RCAN2: variants seen among roughly 807,000 people sequenced by gnomAD.
RCAN2 encodes the protein calcipressin-2.
In RCAN2, 9 loss-of-function variants were observed where a neutral mutation model predicts 23.6. The observed-to-expected ratio is 0.38, with a 90% CI of 0.23 to 0.67. The LOEUF (loss-of-function observed/expected upper bound fraction) is 0.67, where lower values mean the gene tolerates loss of function less well. Ranked by LOEUF, RCAN2 falls within the 30% of genes least tolerant of loss-of-function variation. The pLI, the probability that RCAN2 is intolerant of heterozygous loss-of-function variation, is 0.51. For missense variants in RCAN2, 273 were observed against 302.3 expected, an observed-to-expected ratio of 0.90 and a Z score of 0.72; for synonymous variants, 109 against 115.7, an observed-to-expected ratio of 0.94 and a Z score of 0.37.
intron 2 of RCAN2, among the ~76,000 whole-genome samples, chr6:46,328,869 A>C (rs1034606321): frequency 1.3e-5 from 2 of 152,212 alleles, no homozygotes; most frequent in African/African-American, 2.4e-5. Context: ...CTGGCCTCCC[A>C]AAGTGCTGGG....
rs192047766 is a variant in RCAN2, at chr6:46,338,137, A to G, written c.226-89241T>C. Among the ~76,000 whole-genome samples, 6 of 152,372 alleles carry G rather than the reference A, an allele frequency of 3.9e-5. 1 individual carries two copies. The highest frequency in any genetic ancestry group is 3.3e-4 in the Admixed American group (5 of 15,306). On this transcript the variant is annotated intron_variant, in intron 2 of 4. Transcript: ENST00000371374. Reference sequence around the variant, plus strand: ...AATATCTTTGGCTAAGTAGCAAAACAGTAACATATAGGGGATGAGCAGGTG... The same window carrying G: ...AATATCTTTGGCTAAGTAGCAAAACGGTAACATATAGGGGATGAGCAGGTG...
chr6:46,419,728 A>G (rs1011378851), intron 2 of RCAN2, among the ~76,000 whole-genome samples: 1 of 152,202 alleles, frequency 6.6e-6, no homozygotes. Context: ...CTGCTGAATA[A>G]TGAAGACCAG....
At chr6:46,309,682 G>C (rs575735615) in intron 2 of RCAN2, among the ~76,000 whole-genome samples, 1 of 152,292 alleles carries the variant, frequency 6.6e-6, no homozygotes, top group East Asian at 1.9e-4. Context: ...ATTGGAGAGT[G>C]CTTGCTCTAT....
chr6:46,333,521 C>T (rs1335315892), intron 2 of RCAN2, among the ~76,000 whole-genome samples: 2 of 152,160 alleles, frequency 1.3e-5, no homozygotes, highest in Non-Finnish European at 2.9e-5. Context: ...ATCTTTGGGA[C>T]ACATTTTAGA....
intron 2 of RCAN2, among the ~76,000 whole-genome samples, chr6:46,394,469 C>T (rs1040280144): frequency 8.4e-5 from 12 of 142,260 alleles, no homozygotes; most frequent in African/African-American, 2.9e-4. Context: ...GCTGTAATTA[C>T]TGAACAAAGT....
In RCAN2 at chr6:46,477,142, G is replaced by A. The variant is rs915062168; in HGVS notation, c.-3+14031C>T. On this transcript the variant is annotated intron_variant, in intron 1 of 4. Coordinates refer to ENST00000371374, the MANE Select transcript of RCAN2 (RefSeq NM_001251974.2). ...CCTCCCTCTATGTAACTCTTTATCT[G>A]GCTGTTCATCATGTCCTTTAGAATC... Among the ~76,000 whole-genome samples the A allele has an allele frequency of 3.4e-4, 51 of 152,190 alleles. 1 individual carries two copies. The highest frequency in any genetic ancestry group is 9.6e-4 in the African/African-American group (40 of 41,526).
chr6:46,392,514 T>C (rs1425484769), intron 2 of RCAN2, among the ~76,000 whole-genome samples: 1 of 152,156 alleles, frequency 6.6e-6, no homozygotes, highest in Non-Finnish European at 1.5e-5. Flanking sequence ...GTAAGGTCAC[T>C]GCCCTCTGGA....
intron 2 of RCAN2, among the ~76,000 whole-genome samples, chr6:46,287,527 G>A (rs985662787): frequency 3.3e-5 from 5 of 152,154 alleles, no homozygotes; most frequent in African/African-American, 7.2e-5. Context: ...TTCACTAAAC[G>A]AATTTCTCTG....
Position 46,425,741 on chromosome 6 carries a change from A to G in RCAN2, c.225+31011T>C, listed in dbSNP as rs182979796. On this transcript the variant is annotated intron_variant, in intron 2 of 4. Coordinates refer to ENST00000371374, the MANE Select transcript of RCAN2 (RefSeq NM_001251974.2). ...CTTAAAAAAAACAGCATATATCAAA[A>G]TCTTAATTCTTGATCTTCAGAAGCT... 4.2e-3 allele frequency among the ~76,000 whole-genome samples: 645 copies of G among 152,186 alleles called. 2 individuals are homozygous for G. Among genetic ancestry groups the G allele is most frequent in the African/African-American group, 0.014 (582 of 41,526 alleles).
intron 4 of RCAN2, among the ~76,000 whole-genome samples, chr6:46,228,373 G>A (rs1316315334): frequency 6.6e-6 from 1 of 152,020 alleles, no homozygotes; most frequent in Non-Finnish European, 1.5e-5. Flanking sequence ...TTGACAGTGG[G>A]GTGTTAAAGT....
At chr6:46,259,471 A>T (rs571780123) in intron 2 of RCAN2, among the ~76,000 whole-genome samples, 72 of 152,254 alleles carry the variant, frequency 4.7e-4, no homozygotes, top group African/African-American at 1.5e-3. Context: ...GAACAGCTAA[A>T]ACAAGTACAG....
intron 2 of RCAN2, among the ~76,000 whole-genome samples, chr6:46,338,395 G>T (rs935135256): frequency 6.6e-6 from 1 of 152,068 alleles, no homozygotes; most frequent in Non-Finnish European, 1.5e-5. Flanking sequence ...AAAAGTTCGG[G>T]TGTGGTGTCT....
intron 2 of RCAN2, among the ~76,000 whole-genome samples, chr6:46,317,319 T>C (rs939733723): frequency 5.9e-5 from 9 of 152,188 alleles, no homozygotes; most frequent in African/African-American, 2.2e-4. Context: ...AACTACTGAT[T>C]TATGTACAAG....
chr6:46,425,557 T>A (rs1040963363), intron 2 of RCAN2, among the ~76,000 whole-genome samples: 11 of 152,292 alleles, frequency 7.2e-5, no homozygotes, highest in Admixed American at 2.6e-4. Flanking sequence ...AGAATTTTTT[T>A]AAAAAAAGAT....
chr6:46,251,196 C>G (rs1458051840), intron 2 of RCAN2, among the ~76,000 whole-genome samples: 1 of 152,152 alleles, frequency 6.6e-6, no homozygotes, highest in Non-Finnish European at 1.5e-5. Flanking sequence ...ATCTCTTAAG[C>G]CTTGGGATCA....
chr6:46,456,969 C>A lies in RCAN2; in HGVS notation c.8G>T (p.Gly3Val). MR[G>V]ESYFIGMRSP... ...CCTCATTCCGATGAAGTATGATTCT[C>A]CCCTCATTCCTGGGGATACAAAGAT... The change falls in exon 2 of 5, where the codon GGA (glycine) becomes GTA (valine). Residue 3 changes from glycine (G) to valine (V), a missense_variant. Transcript: ENST00000371374. 2 of 1,549,444 alleles carry A rather than the reference C, an allele frequency of 1.3e-6. No individual in the cohort carries two copies. Among genetic ancestry groups the A allele is most frequent in the Non-Finnish European group, 1.7e-6 (2 of 1,145,828 alleles).
chr6:46,329,367 C>A (rs1763890016), intron 2 of RCAN2, among the ~76,000 whole-genome samples: 1 of 152,134 alleles, frequency 6.6e-6, no homozygotes, highest in Non-Finnish European at 1.5e-5. Context: ...TTTTCACTAC[C>A]TGAAATTATT....
intron 2 of RCAN2, among the ~76,000 whole-genome samples, chr6:46,314,762 C>A (rs1214371157): frequency 6.6e-6 from 1 of 152,260 alleles, no homozygotes; most frequent in Admixed American, 6.5e-5. Context: ...GGGCATCTTG[C>A]CTTAAAACTT....
intron 2 of RCAN2, among the ~76,000 whole-genome samples, chr6:46,283,786 C>T (rs897713620): frequency 3.3e-5 from 5 of 152,222 alleles, no homozygotes; most frequent in African/African-American, 1.2e-4. Flanking sequence ...CTCTTTACTA[C>T]TGCAATTAAA....
Sources: allele counts gnomAD v4.1 joint callset (sites outside exome capture counted in the v4.1 genomes callset), GRCh38; gene constraint gnomAD v4.1.1; transcripts MANE v1.5; gene names NCBI Gene and HGNC (gene_info 2026-07-23, HGNC 2026-07-21).